The following KLHL20 variants were observed in gnomAD, a reference collection of about 807,000 sequenced individuals.
KLHL20 encodes the protein kelch-like protein 20.
A neutral mutation model predicts 69.5 loss-of-function variants in KLHL20; 29 were observed. The ratio of observed to expected loss-of-function variants is 0.42; its 90% CI spans 0.31 to 0.57. The LOEUF (loss-of-function observed/expected upper bound fraction) is 0.57. Ranked by LOEUF, KLHL20 falls within the 20% of genes least tolerant of loss-of-function variation. The pLI, the probability that KLHL20 is intolerant of heterozygous loss-of-function variation, is 0.18. For synonymous variants in KLHL20, 253 were observed against 265.2 expected, an observed-to-expected ratio of 0.95 and a Z score of 0.45; for missense variants, 419 against 776.0, an observed-to-expected ratio of 0.54 and a Z score of 5.47.
chr1:173,782,370 C>A, intron 11 of KLHL20, 140 bp downstream of exon 11: 1 of 531,824 alleles, frequency 1.9e-6, no homozygotes, highest in South Asian at 3.1e-5. Flanking sequence ...ATATTTATGG[C>A]TCATTTTGAC....
intron 8 of KLHL20, 107 bp from the exon 9 acceptor site, chr1:173,774,198 C>A: frequency 1.6e-6 from 2 of 1,281,992 alleles, no homozygotes; most frequent in South Asian, 1.4e-5. Flanking sequence ...GCACATTTGA[C>A]TATAGCAAGT....
intron 5 of KLHL20, among the ~76,000 whole-genome samples, chr1:173,755,123 A>G (rs546815375): frequency 1.3e-5 from 2 of 150,608 alleles, no homozygotes; most frequent in African/African-American, 2.5e-5. Flanking sequence ...CAGTGGTGCA[A>G]TCTCGACTCA....
At chr1:173,717,889 A>T (rs1671537569) in intron 2 of KLHL20, among the ~76,000 whole-genome samples, 1 of 152,202 alleles carries the variant, frequency 6.6e-6, no homozygotes, top group South Asian at 2.1e-4. Context: ...GTAAAGTTTC[A>T]TTACCTCATT....
chr1:173,749,721 G>T (rs1217712992), intron 3 of KLHL20, among the ~76,000 whole-genome samples: 1 of 152,026 alleles, frequency 6.6e-6, no homozygotes, highest in East Asian at 1.9e-4. Flanking sequence ...TTCAAACTTG[G>T]TGATCATTGA....
intron 2 of KLHL20, among the ~76,000 whole-genome samples, chr1:173,719,893 C>A (rs1571844088): frequency 1.3e-5 from 2 of 152,092 alleles, no homozygotes; most frequent in Admixed American, 6.5e-5. Flanking sequence ...TATATCAAAC[C>A]TTTATATAGT....
At chr1:173,749,030 A>G (rs1483195047) in intron 3 of KLHL20, among the ~76,000 whole-genome samples, 1 of 152,156 alleles carries the variant, frequency 6.6e-6, no homozygotes, top group Non-Finnish European at 1.5e-5. Flanking sequence ...GATACATACC[A>G]TATTGAAATC....
intron 7 of KLHL20, among the ~76,000 whole-genome samples, chr1:173,759,033 G>A (rs559792865): frequency 1.1e-4 from 16 of 152,314 alleles, no homozygotes; most frequent in East Asian, 7.7e-4. Flanking sequence ...AGAGGGGCAC[G>A]GTGGGAGTGA....
At chr1:173,767,706 G>A (rs1647818199) in intron 8 of KLHL20, among the ~76,000 whole-genome samples, 1 of 151,984 alleles carries the variant, frequency 6.6e-6, no homozygotes, top group Non-Finnish European at 1.5e-5. Context: ...ATCTATTCAG[G>A]TCCTTTGCCC....
At chr1:173,772,545 GTAT>G (rs2102529013) in intron 8 of KLHL20, among the ~76,000 whole-genome samples, 1 of 152,144 alleles carries the variant, frequency 6.6e-6, no homozygotes, top group East Asian at 1.9e-4. Flanking sequence ...TATAAGAACT[GTAT>G]TATTATATTG....
chr1:173,755,672 A>G (rs1673520901), intron 5 of KLHL20, among the ~76,000 whole-genome samples: 1 of 152,208 alleles, frequency 6.6e-6, no homozygotes, highest in African/African-American at 2.4e-5. Flanking sequence ...GTTGGCTGTA[A>G]GCATGTTGAG....
chr1:173,733,635 G>T, intron 2 of KLHL20, 78 bp from the exon 3 acceptor site: 1 of 1,210,658 alleles, frequency 8.3e-7, no homozygotes, highest in South Asian at 1.5e-5. Context: ...CTTATCGCTT[G>T]AATTACAAAC....
chr1:173,751,796 A>G lies in KLHL20; in HGVS notation c.630A>G (p.Pro210=). 6.2e-7 allele frequency: 1 copy of G among 1,614,146 alleles called. No homozygotes were observed. The highest frequency in any genetic ancestry group is 8.5e-7 in the Non-Finnish European group (1 of 1,180,008). ...AGAGTGAAGAGTTCATGTTGCTTCC[A>G]GCCAATCAACTCATTGATATAATAT... ...VMESEEFMLL[P]ANQLIDIISS... Residue 210 remains proline, a synonymous_variant, in exon 4 of 12, where the codon CCA becomes CCG. Transcript: ENST00000209884.
intron 3 of KLHL20, chr1:173,734,661 T>G (rs1288939500): frequency 4.7e-6 from 1 of 211,188 alleles, no homozygotes; most frequent in East Asian, 1.2e-4. Flanking sequence ...GAATAAATTA[T>G]AGATTATAGG....
rs1396411821 is a variant in KLHL20, at chr1:173,775,789, C to T, written c.1585C>T (p.Pro529Ser). Residue 529 changes from proline (P) to serine (S), a missense_variant, in exon 10 of 12, where the codon CCC becomes TCC. Transcript: ENST00000209884. ...TELSSAERYN[P>S]RTNQWSPVVA... The stretch of plus-strand genomic sequence containing the variant: ...GCTGAGCAGTGCTGAGAGATACAAC[C>T]CCAGAACCAACCAGTGGTCTCCAGT... The T allele has an allele frequency of 1.9e-6, 3 of 1,614,098 alleles. No homozygotes were observed. Among genetic ancestry groups the T allele is most frequent in the South Asian group, 2.2e-5 (2 of 91,078 alleles).
chr1:173,726,797 G>GA (rs1259760077), intron 2 of KLHL20, among the ~76,000 whole-genome samples: 6 of 152,024 alleles, frequency 3.9e-5, no homozygotes, highest in Admixed American at 2.6e-4. Flanking sequence ...CAAAGATGGG[G>GA]AAAAAACAGA....
At position 173,774,445 on chromosome 1, in the gene KLHL20, C is replaced by G. The variant is rs1190131061; in HGVS notation, c.1429+7C>G. ...ACATCTCCTCTCAACACAGGTTAGT[C>G]CCTCCCAAAGGCAATCAGGTTCCCC... On this transcript the variant is annotated splice_region_variant and intron_variant, in intron 9 of 11. Transcript: ENST00000209884. 2 of 1,613,942 alleles carry G rather than the reference C, an allele frequency of 1.2e-6. No homozygotes were observed. The highest frequency in any genetic ancestry group is 1.1e-5 in the South Asian group (1 of 91,066).
intron 3 of KLHL20, among the ~76,000 whole-genome samples, chr1:173,745,915 A>G (rs1673037791): frequency 1.3e-5 from 2 of 152,052 alleles, no homozygotes; most frequent in African/African-American, 4.8e-5. Flanking sequence ...GTGAGCTGAG[A>G]CTGCGCCACT....
At chr1:173,765,674 G>A (rs9425412) in intron 7 of KLHL20, among the ~76,000 whole-genome samples, 1,805 of 152,084 alleles carry the variant, frequency 0.012, 46 homozygotes, top group African/African-American at 0.042. Context: ...ACATATAATA[G>A]TAAAATAATT....
intron 3 of KLHL20, among the ~76,000 whole-genome samples, chr1:173,748,122 A>G (rs1673152061): frequency 6.6e-6 from 1 of 152,082 alleles, no homozygotes; most frequent in African/African-American, 2.4e-5. Context: ...GAAGAAACAG[A>G]AAAACAGAAT....
Sources: allele counts gnomAD v4.1 joint callset (sites outside exome capture counted in the v4.1 genomes callset), GRCh38; gene constraint gnomAD v4.1.1; transcripts MANE v1.5; gene names NCBI Gene and HGNC (gene_info 2026-07-23, HGNC 2026-07-21).